AIDA: variants seen among roughly 807,000 people sequenced by gnomAD.
The protein encoded by AIDA is axin interactor, dorsalization-associated protein.
In AIDA, 18 loss-of-function variants were observed where a neutral mutation model predicts 42.7. The ratio of observed to expected loss-of-function variants is 0.42; its 90% CI spans 0.29 to 0.63. The LOEUF (loss-of-function observed/expected upper bound fraction) is 0.63, where lower values mean the gene tolerates loss of function less well. Ranked by LOEUF, AIDA falls within the 20% of genes least tolerant of loss-of-function variation. The pLI is 0.19. For missense variants in AIDA, 250 were observed against 354.1 expected (o/e 0.71, Z 2.36); for synonymous variants, 104 against 122.9 (o/e 0.85, Z 1.02).
chr1:222,691,414 T>C (rs1406738352), intron 4 of AIDA, among the ~76,000 whole-genome samples: 2 of 152,184 alleles, frequency 1.3e-5, no homozygotes, highest in Non-Finnish European at 2.9e-5. Flanking sequence ...TTTCCTCAAT[T>C]CTACAATGAG....
chr1:222,702,164 T>C, intron 2 of AIDA, among the ~76,000 whole-genome samples: 1 of 152,170 alleles, frequency 6.6e-6, no homozygotes, highest in Non-Finnish European at 1.5e-5. Flanking sequence ...GCAACCCTAA[T>C]CTTTAGGGGC....
At chr1:222,684,730 T>C (rs1234782776) in intron 6 of AIDA, among the ~76,000 whole-genome samples, 2 of 152,184 alleles carry the variant, frequency 1.3e-5, no homozygotes, top group East Asian at 1.9e-4. Context: ...TATATCAGAA[T>C]ACAAATTCAG....
At chr1:222,674,747 AT>A (rs1664514852) in intron 7 of AIDA, among the ~76,000 whole-genome samples, 1 of 152,216 alleles carries the variant, frequency 6.6e-6, no homozygotes, top group South Asian at 2.1e-4. Context: ...ACATGGACTC[AT>A]TTAATGACTA....
chr1:222,711,991 C>G, intron 1 of AIDA: 1 of 609,942 alleles, frequency 1.6e-6, no homozygotes, highest in African/African-American at 1.9e-5. Flanking sequence ...CCTGCGGAGG[C>G]GGAGAGGGAA....
chr1:222,689,592 C>T (rs1240149181), intron 4 of AIDA, among the ~76,000 whole-genome samples: 3 of 139,876 alleles, frequency 2.1e-5, no homozygotes, highest in South Asian at 4.6e-4. Flanking sequence ...CACACACACA[C>T]ACATATATAT....
intron 1 of AIDA, among the ~76,000 whole-genome samples, chr1:222,706,073 G>A (rs1412049922): frequency 6.6e-6 from 1 of 152,082 alleles, no homozygotes; most frequent in Non-Finnish European, 1.5e-5. Context: ...CATACAAAAA[G>A]ACACTCAACT....
At chr1:222,700,049 C>G (rs1039271768) in intron 2 of AIDA, among the ~76,000 whole-genome samples, 1 of 152,124 alleles carries the variant, frequency 6.6e-6, no homozygotes, top group Non-Finnish European at 1.5e-5. Context: ...TGAGCCACCG[C>G]GTCCGGCTAA....
chr1:222,689,466 T>G (rs1343224953), intron 4 of AIDA, among the ~76,000 whole-genome samples: 1 of 87,480 alleles, frequency 1.1e-5, no homozygotes, highest in Non-Finnish European at 2.1e-5. Context: ...AAAGAAAATA[T>G]GTATGTGTGT....
intron 7 of AIDA, among the ~76,000 whole-genome samples, chr1:222,674,176 T>G (rs938689483): frequency 1.1e-4 from 16 of 152,168 alleles, no homozygotes; most frequent in Admixed American, 5.2e-4. Context: ...AGGAAATTCT[T>G]GGGCTAACAG....
chr1:222,696,970 TCTCA>T (rs1450303227), intron 2 of AIDA, among the ~76,000 whole-genome samples: 1 of 151,966 alleles, frequency 6.6e-6, no homozygotes, highest in Non-Finnish European at 1.5e-5. Context: ...ATATACGGAG[TCTCA>T]CTCTGTTGCC....
At chr1:222,689,438 A>G (rs1655286764) in intron 4 of AIDA, among the ~76,000 whole-genome samples, 1 of 145,022 alleles carries the variant, frequency 6.9e-6, no homozygotes, top group African/African-American at 2.5e-5. Flanking sequence ...AGACTGTCTC[A>G]AAAGCTGTCT....
At chr1:222,685,675 A>T (rs1023830730) in intron 6 of AIDA, among the ~76,000 whole-genome samples, 2 of 152,212 alleles carry the variant, frequency 1.3e-5, no homozygotes, top group Non-Finnish European at 2.9e-5. Flanking sequence ...TAATTGGGAG[A>T]GGCAAGAAAT....
At chr1:222,697,037 G>A (rs1655539356) in intron 2 of AIDA, among the ~76,000 whole-genome samples, 1 of 152,032 alleles carries the variant, frequency 6.6e-6, no homozygotes, top group Non-Finnish European at 1.5e-5. Flanking sequence ...CCGCCTCCCA[G>A]GCTCAAGCGA....
Position 222,703,197 on chromosome 1 carries a change from T to C in AIDA, c.131A>G (p.Lys44Arg). The C allele has an allele frequency of 6.2e-7, 1 of 1,609,292 alleles. No individual in the cohort carries two copies. The highest frequency in any genetic ancestry group is 8.5e-7 in the Non-Finnish European group (1 of 1,178,446). ...EYQILARHLQ[K>R]EAQAQHNNSE... is the part of the protein sequence containing the mutation. ...ATTATTGTGTTGAGCTTGGGCCTCC[T>C]TTTGTAGATGTCTTGCTAATCTGTA... The change falls in exon 2 of 10, where the codon AAG becomes AGG. Residue 44 changes from lysine (K) to arginine (R), a missense_variant. By Grantham distance (26) the Lys-to-Arg change is conservative. Around this residue, in one of 4 missense-constraint regions of AIDA, gnomAD observed 199 missense variants for 232.6 expected, o/e 0.86. Coordinates refer to ENST00000340020, the MANE Select transcript of AIDA (RefSeq NM_022831.4).
chr1:222,680,617 A>C (rs1400909312), intron 6 of AIDA, among the ~76,000 whole-genome samples: 2 of 152,206 alleles, frequency 1.3e-5, no homozygotes, highest in African/African-American at 4.8e-5. Context: ...TGGATGGATA[A>C]TTTCCAAGTT....
chr1:222,699,410 T>C (rs1655618303), intron 2 of AIDA, among the ~76,000 whole-genome samples: 1 of 152,242 alleles, frequency 6.6e-6, no homozygotes, highest in Non-Finnish European at 1.5e-5. Flanking sequence ...TATATCAAAA[T>C]TTCCCATAAT....
chr1:222,688,972 C>T (rs1201935522), intron 4 of AIDA, among the ~76,000 whole-genome samples: 2 of 151,912 alleles, frequency 1.3e-5, no homozygotes, highest in Non-Finnish European at 2.9e-5. Flanking sequence ...CCTGGAAGAC[C>T]TTCCAGTGGG....
intron 8 of AIDA, among the ~76,000 whole-genome samples, chr1:222,671,787 G>C (rs2124946995): frequency 6.6e-6 from 1 of 152,306 alleles, no homozygotes; most frequent in South Asian, 2.1e-4. Flanking sequence ...ACAGCACTCA[G>C]AGGCATTTTG....
At position 222,669,821 on chromosome 1, in the gene AIDA, T is replaced by A; in HGVS notation, c.*72A>T. ...CTTCCTGCCTGTTGAAGGGTGAATA[T>A]GCTACACAGAGCTATGATGGTTTCT... On this transcript the variant is annotated 3_prime_UTR_variant, in exon 10 of 10. Transcript: ENST00000340020. 1 of 1,427,004 alleles carries A rather than the reference T, an allele frequency of 7.0e-7. No individual in the cohort carries two copies. The highest frequency in any genetic ancestry group is 9.6e-7 in the Non-Finnish European group (1 of 1,038,558). The allele number at this position is 1,427,004 out of a possible 1,614,324, so 88.4% of individuals were successfully genotyped here.
Sources: gnomAD v4.1 joint callset for allele counts (sites outside exome capture counted in the v4.1 genomes callset) on GRCh38, gnomAD v4.1.1 for gene constraint, gnomAD v4.1.1 regional missense constraint, MANE v1.5 for transcripts, NCBI Gene and HGNC (gene_info 2026-07-23, HGNC 2026-07-21) for gene names.